MYO15A: variants seen among roughly 807,000 people sequenced by gnomAD.
The protein encoded by MYO15A is myosin XVA.
MYO15A carries 308 observed loss-of-function variants against 394.6 expected under a neutral mutation model. The ratio of observed to expected loss-of-function variants is 0.78; its 90% CI spans 0.71 to 0.86. The LOEUF is 0.86. Ranked by LOEUF, MYO15A falls within the 40% of genes least tolerant of loss-of-function variation. The probability of loss-of-function intolerance (pLI) is 0.00; values close to 1 mark genes in which losing one functional copy is unlikely to be tolerated. For synonymous variants in MYO15A, 1,957 were observed against 2,003.8 expected, an observed-to-expected ratio of 0.98 and a Z score of 0.62; for missense variants, 4,606 against 4,799.1, an observed-to-expected ratio of 0.96 and a Z score of 1.19.
chr17:18,139,568 T>G lies in MYO15A; in HGVS notation c.5168T>G (p.Val1723Gly), dbSNP rs773269759. ...TTCCTGGACAAGAACCACGACCAAG[T>G]GCGCCAGGATGTGCTGGACCTGTTC... ...HKFLDKNHDQ[V>G]RQDVLDLFVR... The change falls in exon 19 of 66, where the codon GTG (valine) becomes GGG (glycine). Residue 1723 changes from valine to glycine, a missense_variant. Transcript: ENST00000647165. 1 of 1,613,928 alleles carries G rather than the reference T, an allele frequency of 6.2e-7. No homozygotes were observed. The highest frequency in any genetic ancestry group is 1.3e-5 in the African/African-American group (1 of 74,896).
At chr17:18,130,706 A>G in intron 7 of MYO15A, 99 bp from the exon 8 acceptor site, 1 of 1,600,144 alleles carries the variant, frequency 6.2e-7, no homozygotes, top group Non-Finnish European at 8.5e-7. Flanking sequence ...CCCTGGTCTG[A>G]GGCTCCTAGT....
Position 18,141,096 on chromosome 17 carries a change from C to A in MYO15A, c.5484C>A (p.Arg1828=), listed in dbSNP as rs774823762. 3 of 1,614,030 alleles carry A rather than the reference C, an allele frequency of 1.9e-6. No individual in the cohort carries two copies. The South Asian group carries it at 3.3e-5, about 18-fold the overall frequency. The change falls in exon 22 of 66, where the codon CGC becomes CGA. Residue 1828 remains arginine, a synonymous_variant. Transcript: ENST00000647165. ...GGGTGCTGGAGACCGTGAGGATCCG[C>A]AAGGAGGGATTTCCAGTGCGCCTGC... ...YSGVLETVRI[R]KEGFPVRLPF... is the part of the protein sequence containing the mutation.
Position 18,120,649 on chromosome 17 carries a change from A to G in MYO15A, c.1849A>G (p.Met617Val). 10 of 1,593,470 alleles carry G rather than the reference A, an allele frequency of 6.3e-6. No individual in the cohort carries two copies. Among genetic ancestry groups the G allele is most frequent in the Non-Finnish European group, 8.5e-6 (10 of 1,173,886 alleles). Residue 617 changes from methionine to valine, a missense_variant, in exon 2 of 66, where the codon ATG becomes GTG. Transcript: ENST00000647165. ...ACGCTTCGGCTACAAGCTGGCTGGCATGGACCCCGAGAAGCCCGGCACGCC... is the reference window on the plus strand; with the variant it reads ...ACGCTTCGGCTACAAGCTGGCTGGCGTGGACCCCGAGAAGCCCGGCACGCC... ...YKRFGYKLAG[M>V]DPEKPGTPIV...
At chr17:18,127,658 G>C (rs1466018313) in intron 7 of MYO15A, among the ~76,000 whole-genome samples, 2 of 151,978 alleles carry the variant, frequency 1.3e-5, no homozygotes, top group Non-Finnish European at 2.9e-5. Flanking sequence ...ACAGTGCTAA[G>C]CCCTCTGAGC....
chr17:18,174,667 C>T (rs2046988864), intron 65 of MYO15A, among the ~76,000 whole-genome samples: 1 of 152,156 alleles, frequency 6.6e-6, no homozygotes, highest in African/African-American at 2.4e-5. Flanking sequence ...AGTCTCACAC[C>T]CCCCTGGGGT....
Position 18,135,821 on chromosome 17 carries a change from G to A in MYO15A, c.4593G>A (p.Val1531=). The A allele has an allele frequency of 6.2e-7, 1 of 1,613,606 alleles. No individual in the cohort carries two copies. Among genetic ancestry groups the A allele is most frequent in the South Asian group, 1.1e-5 (1 of 90,918 alleles). The part of the protein sequence containing the change: ...EGLQKAITFK[V]TETMREKIFT... The stretch of plus-strand genomic sequence containing the variant: ...TGCAGAAGGCCATCACCTTCAAAGT[G>A]ACCGTGAGTCTGTGGGCATCTGGCC... The change falls in exon 13 of 66, where the codon GTG becomes GTA. Residue 1531 remains valine (V), a synonymous_variant. Coordinates refer to ENST00000647165, the MANE Select transcript of MYO15A (RefSeq NM_016239.4).
chr17:18,132,502 TGCCTGCCCAGCTCAGGCAGGCCTTTA>T lies in MYO15A; in HGVS notation c.4263_4288del (p.Gln1422ArgfsTer3), dbSNP rs2046185820. The T allele has an allele frequency of 6.2e-7, 1 of 1,613,948 alleles. No individual in the cohort carries two copies. Among genetic ancestry groups the T allele is most frequent in the Non-Finnish European group, 8.5e-7 (1 of 1,180,046 alleles). ...ATCTTCTACGAGTTGCTGGCCGGGT[TGCCTGCCCAGCTCAGGCAGGCCTTTA>T]GCCTGCAAGAGGCTGAGACCTACTA... is the stretch of plus-strand genomic sequence containing the variant. On this transcript the variant is annotated frameshift_variant, in exon 11 of 66. Transcript: ENST00000647165. LOFTEE classifies it high-confidence loss of function. This position sits in a 1 kb window ranked among gnomAD's most constrained non-coding sequence, Gnocchi z 4.6.
chr17:18,135,171 C>T (rs983689269), intron 12 of MYO15A, among the ~76,000 whole-genome samples: 6 of 151,258 alleles, frequency 4.0e-5, no homozygotes, highest in African/African-American at 9.7e-5. Flanking sequence ...CAGCCTGTTT[C>T]TGTTTTTTAT....
intron 1 of MYO15A, among the ~76,000 whole-genome samples, chr17:18,111,357 A>C (rs1206019876): frequency 8.7e-5 from 5 of 57,488 alleles, no homozygotes; most frequent in Admixed American, 6.4e-4. Flanking sequence ...AAAAAAAAAA[A>C]AAAAAAAAAC....
At chr17:18,159,156 C>G (rs2046736163) in intron 53 of MYO15A, 119 bp from the exon 54 acceptor site, 1 of 1,393,802 alleles carries the variant, frequency 7.2e-7, no homozygotes, top group African/African-American at 1.4e-5. Flanking sequence ...AGTGTTGGGC[C>G]TGGCTCCCCT....
At chr17:18,166,275 T>A (rs1207453290) in intron 60 of MYO15A, 86 bp from the exon 61 acceptor site, 21 of 1,548,306 alleles carry the variant, frequency 1.4e-5, no homozygotes, top group Non-Finnish European at 1.8e-5. Context: ...GGTAGCAGAT[T>A]GGGGTCTGCA....
In MYO15A at chr17:18,157,526, T is replaced by C. The variant is rs150151590; in HGVS notation, c.8789-196T>C. ...TTGCCTTTTTGCTTCACTTCCCCTT[T>C]ATGGTCCTGTGGCCCTGAGAAAATC... On this transcript the variant is annotated intron_variant, in intron 50 of 65. Transcript: ENST00000647165. 3,305 of 1,191,362 alleles carry C rather than the reference T, an allele frequency of 2.8e-3. 67 individuals are homozygous for C. In the African/African-American group the frequency reaches 0.041, roughly 15 times the overall value. 73.8% of individuals were successfully genotyped at this position (1,191,362 alleles called of 1,614,324 possible). A position where few individuals can be genotyped will look rare whatever the true frequency, so the allele number is the denominator to read the frequency against.
In MYO15A at chr17:18,166,453, C is replaced by T. The variant is rs377125285; in HGVS notation, c.9880C>T (p.Arg3294Trp). 5.6e-6 allele frequency: 9 copies of T among 1,614,034 alleles called. No individual in the cohort carries two copies. Among genetic ancestry groups the T allele is most frequent in the Middle Eastern group, 1.6e-4 (1 of 6,062 alleles). Residue 3294 changes from arginine to tryptophan, a missense_variant, in exon 61 of 66, where the codon CGG becomes TGG. By Grantham distance (101) the Arg-to-Trp change is moderately radical. Transcript: ENST00000647165. ...QVDGGYMLWF[R>W]RVLWDQPLKF... ...GGACGGCGGCTACATGCTCTGGTTCCGGCGTGTGCTCTGGGATCAGCCACT... is the reference window on the plus strand; with the variant it reads ...GGACGGCGGCTACATGCTCTGGTTCTGGCGTGTGCTCTGGGATCAGCCACT...
intron 7 of MYO15A, among the ~76,000 whole-genome samples, chr17:18,127,860 T>TATATATAC (rs1304277590): frequency 3.4e-5 from 5 of 147,068 alleles, no homozygotes; most frequent in African/African-American, 1.2e-4. Flanking sequence ...TATATATATA[T>TATATATAC]ACACTTATAT....
At chr17:18,163,446 C>A in intron 59 of MYO15A, 125 bp downstream of exon 59, 1 of 1,048,906 alleles carries the variant, frequency 9.5e-7, no homozygotes, top group Non-Finnish European at 1.4e-6. Context: ...CTCCCACAGC[C>A]CCACAAGGCA....
intron 62 of MYO15A, 98 bp downstream of exon 62, chr17:18,167,821 C>T (rs1467140981): frequency 2.6e-6 from 4 of 1,546,722 alleles, no homozygotes; most frequent in South Asian, 1.2e-5. Context: ...CCCAGGCCCT[C>T]AGGCTCCCCT....
chr17:18,169,809 T>A (rs972612906), intron 62 of MYO15A, among the ~76,000 whole-genome samples: 2 of 151,666 alleles, frequency 1.3e-5, no homozygotes, highest in Non-Finnish European at 1.5e-5. Flanking sequence ...CAAAAAAAAA[T>A]TTAGTGATTC....
rs1247986569 is a variant in MYO15A, at chr17:18,116,928, A to AG, written c.-219-1654_-219-1653insG. Reference sequence around the variant, plus strand: ...GAGCGAGACTCTGTCTCAAAAAAAAAAAAAGAAAGAAAGAAAGAACATTGC... The same window carrying AG: ...GAGCGAGACTCTGTCTCAAAAAAAAAGAAAAGAAAGAAAGAAAGAACATTGC... On this transcript the variant is annotated intron_variant, in intron 1 of 65. Transcript: ENST00000647165. Among the ~76,000 whole-genome samples the AG allele has an allele frequency of 0.01, 1,296 of 128,808 alleles. 32 individuals carry two copies. The East Asian group carries it at 0.15, about 15-fold the overall frequency. The allele number at this position is 128,808 out of a possible 152,430, so 84.5% of individuals were successfully genotyped here. A position where few individuals can be genotyped will look rare whatever the true frequency, so the allele number is the denominator to read the frequency against.
chr17:18,144,500 C>T lies in MYO15A; in HGVS notation c.6181C>T (p.Pro2061Ser). ...ATGTGCCTGCCCTGTGTCTTAGGAA[C>T]CTGCCTTTGGGATGCTGACAGTGCC... ...AKFVQCHFKE[P>S]AFGMLTVPLR... Residue 2061 changes from proline (P) to serine (S), a missense_variant, in exon 29 of 66, where the codon CCT becomes TCT. By Grantham distance (74) the Pro-to-Ser change is moderately conservative. This residue lies in a region of MYO15A where 2,776 missense variants were observed against 3,109.3 expected (regional missense o/e 0.89). Coordinates refer to ENST00000647165, the MANE Select transcript of MYO15A (RefSeq NM_016239.4). The T allele has an allele frequency of 4.3e-6, 7 of 1,613,296 alleles. No homozygotes were observed. Among genetic ancestry groups the T allele is most frequent in the Non-Finnish European group, 5.9e-6 (7 of 1,179,980 alleles).
Sources: allele counts gnomAD v4.1 joint callset (sites outside exome capture counted in the v4.1 genomes callset), GRCh38; gene constraint gnomAD v4.1.1; regional missense constraint gnomAD v4.1.1; non-coding constraint Gnocchi (gnomAD v3.1); transcripts MANE v1.5; gene names NCBI Gene and HGNC (gene_info 2026-07-23, HGNC 2026-07-21).